Variants in SDC4 observed in about 807,000 individuals in gnomAD.
SDC4 encodes syndecan 4.
SDC4 carries 17 observed loss-of-function variants against 20.5 expected under a neutral mutation model. The ratio of observed to expected loss-of-function variants is 0.83; its 90% CI spans 0.57 to 1.25. The LOEUF is 1.25. SDC4 is among the 50% of genes most tolerant of loss of function. SDC4 has a pLI of 0.00. For missense variants in SDC4, 241 were observed against 252.3 expected (o/e 0.96, Z 0.30); for synonymous variants, 107 against 105.3 (o/e 1.02, Z -0.10).
In SDC4 at chr20:45,327,153, G is replaced by T; in HGVS notation, c.*111C>A. The T allele has an allele frequency of 2.8e-6, 3 of 1,069,292 alleles. No individual in the cohort carries two copies. The highest frequency in any genetic ancestry group is 4.2e-6 in the Non-Finnish European group (3 of 713,354). The allele number at this position is 1,069,292 out of a possible 1,614,324, so 66.2% of individuals were successfully genotyped here. Reference sequence around the variant, plus strand: ...CACTTCAAAGGTAATCAGAGCTGGAGATACTGACAAGTCAGTATTAGGTTG... The same window carrying T: ...CACTTCAAAGGTAATCAGAGCTGGATATACTGACAAGTCAGTATTAGGTTG... On this transcript the variant is annotated 3_prime_UTR_variant, in exon 5 of 5. Transcript: ENST00000372733.
Position 45,348,406 on chromosome 20 carries a change from C to A in SDC4, c.-22G>T, listed in dbSNP as rs758577542. On this transcript the variant is annotated 5_prime_UTR_variant, in exon 1 of 5. Transcript: ENST00000372733. ...CCATGGCACCGCGGACTGGAGAAGGCGCGCAGGCTGCGGCGAGTGGCCCCG... is the reference window on the plus strand; with the variant it reads ...CCATGGCACCGCGGACTGGAGAAGGAGCGCAGGCTGCGGCGAGTGGCCCCG... The A allele has an allele frequency of 1.0e-4, 155 of 1,539,150 alleles. 1 individual carries two copies. Among genetic ancestry groups the A allele is most frequent in the South Asian group, 7.5e-4 (63 of 83,552 alleles).
At chr20:45,337,381 T>G (rs1987887731) in intron 1 of SDC4, among the ~76,000 whole-genome samples, 1 of 152,204 alleles carries the variant, frequency 6.6e-6, no homozygotes, top group South Asian at 2.1e-4. Context: ...ACGCCATAAC[T>G]GCAGGAGCTG....
At chr20:45,333,784 A>G (rs1297835808) in intron 2 of SDC4, among the ~76,000 whole-genome samples, 1 of 152,216 alleles carries the variant, frequency 6.6e-6, no homozygotes, top group Non-Finnish European at 1.5e-5. Context: ...AAAGAGTTAC[A>G]TTATTATTTT....
At chr20:45,338,383 G>A (rs532357048) in intron 1 of SDC4, among the ~76,000 whole-genome samples, 14 of 152,164 alleles carry the variant, frequency 9.2e-5, no homozygotes, top group African/African-American at 9.7e-5. Context: ...CAATCTAGCC[G>A]GGAGAAAGAA....
intron 1 of SDC4, among the ~76,000 whole-genome samples, chr20:45,346,242 A>G (rs750254527): frequency 6.6e-6 from 1 of 152,172 alleles, no homozygotes; most frequent in Non-Finnish European, 1.5e-5. Context: ...GATTTTTCCA[A>G]CCACAATCTA....
rs932549565 is a variant in SDC4 at position 45,326,585 on chromosome 20, A to C, written c.*679T>G. 10 of 152,472 alleles carry C rather than the reference A, an allele frequency of 6.6e-5. No homozygotes were observed. The highest frequency in any genetic ancestry group is 1.0e-4 in the Non-Finnish European group (7 of 68,040). The allele number at this position is 152,472 out of a possible 1,614,324, so 9.4% of individuals were successfully genotyped here. On this transcript the variant is annotated 3_prime_UTR_variant, in exon 5 of 5. Transcript: ENST00000372733. ...GATATACACTCTGCACAAAGGAATGAACAGTTAAAAAAACGAACAAACACT... is the reference window on the plus strand; with the variant it reads ...GATATACACTCTGCACAAAGGAATGCACAGTTAAAAAAACGAACAAACACT...
intron 1 of SDC4, among the ~76,000 whole-genome samples, chr20:45,343,199 T>G (rs1411034832): frequency 1.3e-5 from 2 of 152,162 alleles, no homozygotes; most frequent in Non-Finnish European, 2.9e-5. Context: ...GAAGTCAGGC[T>G]TATTCTTCTA....
intron 1 of SDC4, chr20:45,345,596 T>C (rs1169202352): frequency 6.6e-6 from 1 of 152,232 alleles, no homozygotes; most frequent in Admixed American, 6.5e-5. Context: ...AAGAGGACGC[T>C]GTAGAAGACC....
At chr20:45,343,414 C>T (rs1027675561) in intron 1 of SDC4, among the ~76,000 whole-genome samples, 2 of 152,142 alleles carry the variant, frequency 1.3e-5, no homozygotes, top group African/African-American at 4.8e-5. Context: ...AGGAGGGTGA[C>T]CCCAGGTCCT....
At chr20:45,342,722 T>C (rs1987972423) in intron 1 of SDC4, among the ~76,000 whole-genome samples, 1 of 152,022 alleles carries the variant, frequency 6.6e-6, no homozygotes, top group South Asian at 2.1e-4. Flanking sequence ...AGGATGGCTG[T>C]AGAAAGGTCA....
chr20:45,328,457 A>T (rs748627455), intron 4 of SDC4, among the ~76,000 whole-genome samples: 18 of 152,220 alleles, frequency 1.2e-4, no homozygotes, highest in Non-Finnish European at 1.9e-4. Context: ...TTTAAGGTTT[A>T]TATCTGTGTC....
chr20:45,332,592 T>A (rs900933366), intron 3 of SDC4, among the ~76,000 whole-genome samples: 2 of 151,748 alleles, frequency 1.3e-5, no homozygotes, highest in Non-Finnish European at 2.9e-5. Flanking sequence ...GGGGCCAGAT[T>A]TGTTTGTTTG....
chr20:45,331,295 A>G (rs1248511522), intron 3 of SDC4, among the ~76,000 whole-genome samples: 4 of 152,100 alleles, frequency 2.6e-5, no homozygotes, highest in Admixed American at 2.6e-4. Flanking sequence ...TCTACCATGG[A>G]TACAAGAGGC....
chr20:45,335,876 G>T lies in SDC4; in HGVS notation c.105C>A (p.Gly35=). The T allele has an allele frequency of 1.2e-6, 2 of 1,613,796 alleles. No homozygotes were observed. The highest frequency in any genetic ancestry group is 8.5e-7 in the Non-Finnish European group (1 of 1,179,918). The change falls in exon 2 of 5, where the codon GGC becomes GGA. Residue 35 remains glycine (G), a synonymous_variant. Transcript: ENST00000372733. ...CTGGTAGGGCTCCGGAGAAGTATCGGCCTTCTAGGAGGTCCTGGGGGTCGA... is the reference window on the plus strand; with the variant it reads ...CTGGTAGGGCTCCGGAGAAGTATCGTCCTTCTAGGAGGTCCTGGGGGTCGA... The part of the protein sequence containing the change: ...EVIDPQDLLE[G]RYFSGALPDD...
intron 1 of SDC4, among the ~76,000 whole-genome samples, chr20:45,338,335 G>T (rs141425771): frequency 1.3e-5 from 2 of 152,062 alleles, no homozygotes; most frequent in African/African-American, 4.8e-5. Flanking sequence ...TCACCAGCCT[G>T]CCCCAGGCTC....
At chr20:45,346,878 GAGTAGA>G (rs1204765820) in intron 1 of SDC4, among the ~76,000 whole-genome samples, 2 of 152,172 alleles carry the variant, frequency 1.3e-5, no homozygotes, top group East Asian at 1.9e-4. Context: ...GTAGCACAAA[GAGTAGA>G]AGTTAAGCTA....
chr20:45,337,185 C>T (rs892941332), intron 1 of SDC4, among the ~76,000 whole-genome samples: 15 of 152,184 alleles, frequency 9.9e-5, no homozygotes, highest in African/African-American at 3.6e-4. Context: ...ATGCCCATCA[C>T]CCTTCCTCCA....
chr20:45,347,443 C>T (rs1283496557), intron 1 of SDC4, among the ~76,000 whole-genome samples: 1 of 152,128 alleles, frequency 6.6e-6, no homozygotes, highest in Non-Finnish European at 1.5e-5. Flanking sequence ...GATAGAGCTT[C>T]TGCTGGCCCA....
chr20:45,335,943 A>G (rs1987858396), intron 1 of SDC4, 23 bp from the exon 2 acceptor site: 2 of 1,604,452 alleles, frequency 1.2e-6, no homozygotes, highest in Non-Finnish European at 1.7e-6. Context: ...AAGGAGACAC[A>G]TCAGCCAACA....
Sources: allele counts gnomAD v4.1 joint callset (sites outside exome capture counted in the v4.1 genomes callset), GRCh38; gene constraint gnomAD v4.1.1; transcripts MANE v1.5; gene names NCBI Gene and HGNC (gene_info 2026-07-23, HGNC 2026-07-21).